The following CDH12 variants were observed in gnomAD, a reference collection of about 807,000 sequenced individuals.
CDH12 encodes the protein cadherin-12.
CDH12 carries 41 observed loss-of-function variants against 74.1 expected under a neutral mutation model. The ratio of observed to expected loss-of-function variants is 0.55; its 90% CI spans 0.43 to 0.72. The LOEUF (loss-of-function observed/expected upper bound fraction) is 0.72, where lower values mean the gene tolerates loss of function less well. CDH12 is among the 30% of genes least tolerant of loss of function. CDH12 has a pLI of 0.00. For synonymous variants in CDH12, 399 were observed against 355.0 expected (o/e 1.12, Z -1.39); for missense variants, 945 against 977.2 (o/e 0.97, Z 0.44).
At chr5:22,423,337 T>C (rs1379950216) in intron 2 of CDH12, among the ~76,000 whole-genome samples, 2 of 152,074 alleles carry the variant, frequency 1.3e-5, no homozygotes, top group African/African-American at 2.4e-5. Flanking sequence ...GAACCACTCC[T>C]GAGATGTGCA....
chr5:22,424,067 C>T (rs1427452613), intron 2 of CDH12, among the ~76,000 whole-genome samples: 1 of 143,978 alleles, frequency 6.9e-6, no homozygotes, highest in African/African-American at 2.6e-5. Flanking sequence ...AAGAGGGTGA[C>T]TGCATTATGC....
chr5:21,888,605 G>C (rs896147081), intron 6 of CDH12, among the ~76,000 whole-genome samples: 1 of 149,884 alleles, frequency 6.7e-6, no homozygotes, highest in African/African-American at 2.4e-5. Context: ...ATAAAAAAAA[G>C]AAGTAACATA....
chr5:22,117,719 A>G (rs1375367199), intron 4 of CDH12, among the ~76,000 whole-genome samples: 1 of 150,368 alleles, frequency 6.7e-6, no homozygotes, highest in East Asian at 2.0e-4. Context: ...GATATGTGAG[A>G]CAAAAATTCT....
chr5:22,116,868 T>A (rs1165792217), intron 4 of CDH12, among the ~76,000 whole-genome samples: 1 of 42,688 alleles, frequency 2.3e-5, no homozygotes, highest in African/African-American at 9.4e-5. Flanking sequence ...AAGTCTCTTT[T>A]TTTTTTTTTT....
At chr5:22,663,914 G>C (rs1197883208) in intron 1 of CDH12, among the ~76,000 whole-genome samples, 8 of 151,666 alleles carry the variant, frequency 5.3e-5, no homozygotes, top group Admixed American at 3.9e-4. Flanking sequence ...TTTTAACTAA[G>C]GGAATTTCTT....
chr5:22,153,492 T>C (rs1012944438), intron 4 of CDH12, among the ~76,000 whole-genome samples: 5 of 151,400 alleles, frequency 3.3e-5, no homozygotes, highest in African/African-American at 1.2e-4. Flanking sequence ...AAGGGAGAGG[T>C]AAACATATAA....
intron 2 of CDH12, among the ~76,000 whole-genome samples, chr5:22,434,583 C>T (rs77441407): frequency 0.018 from 2,674 of 152,208 alleles, 39 homozygotes; most frequent in Non-Finnish European, 0.026. Flanking sequence ...CCAACCGAAT[C>T]CATCCTAACG....
chr5:22,830,724 A>G (rs1736565292), intron 1 of CDH12, among the ~76,000 whole-genome samples: 1 of 151,702 alleles, frequency 6.6e-6, no homozygotes, highest in Admixed American at 6.6e-5. Context: ...GTAAAACATC[A>G]TCAAATTTGA....
intron 1 of CDH12, among the ~76,000 whole-genome samples, chr5:22,793,287 G>T (rs1748013140): frequency 6.6e-6 from 1 of 152,066 alleles, no homozygotes; most frequent in Admixed American, 6.5e-5. Context: ...TACTGGTTTT[G>T]GCCCTTCACT....
chr5:22,725,615 A>T (rs1460585594), intron 1 of CDH12, among the ~76,000 whole-genome samples: 1 of 151,496 alleles, frequency 6.6e-6, no homozygotes, highest in Non-Finnish European at 1.5e-5. Context: ...ATATATAAGG[A>T]CACTAATCTC....
At chr5:22,478,235 C>G (rs1009698575) in intron 2 of CDH12, among the ~76,000 whole-genome samples, 23 of 151,548 alleles carry the variant, frequency 1.5e-4, no homozygotes, top group African/African-American at 5.3e-4. Context: ...TGGCTAACAC[C>G]GTGAAACTCC....
chr5:22,521,777 T>A (rs959041243), intron 1 of CDH12, among the ~76,000 whole-genome samples: 1 of 152,158 alleles, frequency 6.6e-6, no homozygotes, highest in Non-Finnish European at 1.5e-5. Flanking sequence ...TGAGTTCCAG[T>A]GAAACATTAT....
chr5:22,516,411 T>C (rs568853424), intron 1 of CDH12, among the ~76,000 whole-genome samples: 2 of 152,334 alleles, frequency 1.3e-5, no homozygotes, highest in East Asian at 3.9e-4. Flanking sequence ...GTTTTTATTT[T>C]TCATTTTTAT....
At chr5:22,402,455 A>G (rs1742767408) in intron 3 of CDH12, among the ~76,000 whole-genome samples, 1 of 152,212 alleles carries the variant, frequency 6.6e-6, no homozygotes, top group Non-Finnish European at 1.5e-5. Flanking sequence ...TTTTAGCTGA[A>G]TCATGTTCTA....
intron 6 of CDH12, among the ~76,000 whole-genome samples, chr5:21,886,815 C>A (rs972940336): frequency 7.9e-5 from 12 of 151,712 alleles, no homozygotes; most frequent in Admixed American, 7.2e-4. Flanking sequence ...ACTTATCTCT[C>A]ATTCAATATT....
Position 22,346,826 on chromosome 5 carries a change from T to C in CDH12, c.-333+58431A>G, listed in dbSNP as rs150664578. 3.9e-5 allele frequency among the ~76,000 whole-genome samples: 6 copies of C among 152,288 alleles called. No homozygotes were observed. In the East Asian group the frequency reaches 9.7e-4, roughly 25 times the overall value. On this transcript the variant is annotated intron_variant, in intron 3 of 14. Transcript: ENST00000382254. ...CAAAACCCTTAAAACTGGGGAGTTTTGTATCTTAATGATGCTTTGAAATGT... is the reference window on the plus strand; with the variant it reads ...CAAAACCCTTAAAACTGGGGAGTTTCGTATCTTAATGATGCTTTGAAATGT...
intron 4 of CDH12, among the ~76,000 whole-genome samples, chr5:22,211,481 C>G (rs1751538631): frequency 6.6e-6 from 1 of 151,926 alleles, no homozygotes. Flanking sequence ...TTTAATTACT[C>G]TTAATTACAT....
intron 3 of CDH12, among the ~76,000 whole-genome samples, chr5:22,273,149 CAG>C (rs553951931): frequency 6.6e-6 from 1 of 152,134 alleles, no homozygotes; most frequent in Non-Finnish European, 1.5e-5. Flanking sequence ...GGTGGGGACA[CAG>C]AGTCAGACCA....
At chr5:22,499,244 T>C (rs1209575125) in intron 2 of CDH12, among the ~76,000 whole-genome samples, 1 of 152,146 alleles carries the variant, frequency 6.6e-6, no homozygotes, top group Non-Finnish European at 1.5e-5. Flanking sequence ...GTAGTTTTAC[T>C]ATTTTTAGCA....
Sources: allele counts gnomAD v4.1 joint callset (sites outside exome capture counted in the v4.1 genomes callset), GRCh38; gene constraint gnomAD v4.1.1; transcripts MANE v1.5; gene names NCBI Gene and HGNC (gene_info 2026-07-23, HGNC 2026-07-21).